The following EYS variants were observed in gnomAD, a reference collection of about 807,000 sequenced individuals.
EYS encodes protein eyes shut homolog.
In EYS, 250 loss-of-function variants were observed where a neutral mutation model predicts 282.1. The ratio of observed to expected loss-of-function variants is 0.89; its 90% confidence interval spans 0.80 to 0.98. The LOEUF is 0.98. Among genes scored for constraint, EYS ranks in the 50% least tolerant of loss-of-function variants. The pLI, the probability that EYS is intolerant of heterozygous loss-of-function variation, is 0.00. For missense variants in EYS, 4,016 were observed against 3,709.0 expected, an observed-to-expected ratio of 1.08 and a Z score of -2.15; for synonymous variants, 1,355 against 1,282.9, an observed-to-expected ratio of 1.06 and a Z score of -1.20.
intron 26 of EYS, among the ~76,000 whole-genome samples, chr6:64,479,548 G>A (rs1582804065): frequency 6.6e-6 from 1 of 152,018 alleles, no homozygotes; most frequent in African/African-American, 2.4e-5. Flanking sequence ...AACTATAAAT[G>A]CTTGGCTGTT....
intron 29 of EYS, among the ~76,000 whole-genome samples, chr6:64,371,317 A>G (rs1265497412): frequency 3.1e-5 from 3 of 95,598 alleles, no homozygotes; most frequent in African/African-American, 1.2e-4. Context: ...ATGTAATTTT[A>G]TGGTTGGTTT....
chr6:64,153,098 T>C (rs1198563479), intron 31 of EYS, among the ~76,000 whole-genome samples: 1 of 152,146 alleles, frequency 6.6e-6, no homozygotes, highest in Non-Finnish European at 1.5e-5. Flanking sequence ...ATCTAACAAC[T>C]TTACATCCAT....
intron 31 of EYS, among the ~76,000 whole-genome samples, chr6:64,085,750 T>A (rs1250152568): frequency 6.6e-6 from 1 of 152,192 alleles, no homozygotes; most frequent in Non-Finnish European, 1.5e-5. Flanking sequence ...ACTTAACTAT[T>A]ATTAAACTGC....
intron 31 of EYS, among the ~76,000 whole-genome samples, chr6:64,215,293 GCTTCCT>G (rs1765896989): frequency 6.6e-6 from 1 of 151,898 alleles, no homozygotes; most frequent in Non-Finnish European, 1.5e-5. Context: ...CCATGAGGAA[GCTTCCT>G]GGGGAATTTT....
chr6:64,258,633 A>G (rs1167058378), intron 30 of EYS, among the ~76,000 whole-genome samples: 1 of 152,126 alleles, frequency 6.6e-6, no homozygotes, highest in African/African-American at 2.4e-5. Context: ...CAAAATAAAA[A>G]TAATCTAATA....
intron 31 of EYS, among the ~76,000 whole-genome samples, chr6:64,091,530 T>G (rs540805295): frequency 6.6e-6 from 1 of 152,268 alleles, no homozygotes; most frequent in African/African-American, 2.4e-5. Context: ...AGAAAGGGCA[T>G]GCAGGACTGA....
At chr6:65,168,897 A>G (rs920577423) in intron 12 of EYS, among the ~76,000 whole-genome samples, 2 of 151,348 alleles carry the variant, frequency 1.3e-5, no homozygotes, top group Non-Finnish European at 3.0e-5. Flanking sequence ...GGCCAAAGAG[A>G]TCATGGCTGA....
chr6:64,985,894 T>C (rs536319949), intron 14 of EYS, among the ~76,000 whole-genome samples: 1 of 151,604 alleles, frequency 6.6e-6, no homozygotes, highest in East Asian at 1.9e-4. Context: ...TATATGCCTG[T>C]TCTGCCACAA....
intron 29 of EYS, among the ~76,000 whole-genome samples, chr6:64,375,818 A>G (rs1772543797): frequency 1.3e-5 from 2 of 152,236 alleles, no homozygotes; most frequent in Admixed American, 1.3e-4. Flanking sequence ...AGTTTAAAAA[A>G]TGATACATTC....
chr6:65,151,680 T>C (rs142900770), intron 12 of EYS, among the ~76,000 whole-genome samples: 387 of 152,138 alleles, frequency 2.5e-3, no homozygotes, highest in African/African-American at 8.5e-3. Flanking sequence ...TTGTTTTAAA[T>C]ATACAAACAC....
At chr6:65,529,885 T>C (rs1165041304) in intron 2 of EYS, among the ~76,000 whole-genome samples, 1 of 152,210 alleles carries the variant, frequency 6.6e-6, no homozygotes, top group Non-Finnish European at 1.5e-5. Context: ...CCCAATAATG[T>C]TGGCATTTTG....
At chr6:64,977,740 A>AAG (rs1562284118) in intron 14 of EYS, among the ~76,000 whole-genome samples, 1 of 151,894 alleles carries the variant, frequency 6.6e-6, no homozygotes, top group African/African-American at 2.4e-5. Flanking sequence ...AGGAAAGAGA[A>AAG]AGAGAAACAG....
intron 30 of EYS, among the ~76,000 whole-genome samples, chr6:64,273,566 C>CTA (rs753801038): frequency 2.0e-5 from 3 of 151,940 alleles, no homozygotes; most frequent in Admixed American, 6.6e-5. Context: ...TTGAGGACTA[C>CTA]TATCCTAAGT....
chr6:65,549,215 T>C (rs542154329), intron 2 of EYS, among the ~76,000 whole-genome samples: 11 of 152,340 alleles, frequency 7.2e-5, no homozygotes, highest in African/African-American at 2.6e-4. Flanking sequence ...CCTGGACTAA[T>C]AGATCTTACT....
At chr6:64,820,545 A>T (rs1314182798) in intron 21 of EYS, among the ~76,000 whole-genome samples, 1 of 152,154 alleles carries the variant, frequency 6.6e-6, no homozygotes, top group Non-Finnish European at 1.5e-5. Flanking sequence ...AACTTTCACT[A>T]TCCAGAACAA....
At position 65,260,100 on chromosome 6, in the gene EYS, G is replaced by T. The variant is rs182484276; in HGVS notation, c.2023+35763C>A. Reference sequence around the variant, plus strand: ...GAAACTTAAAATCTTGGTGGAAGGCGAAGGGGAAGCAAGCAAGCTTCTTCT... The same window carrying T: ...GAAACTTAAAATCTTGGTGGAAGGCTAAGGGGAAGCAAGCAAGCTTCTTCT... On this transcript the variant is annotated intron_variant, in intron 12 of 42. Coordinates refer to ENST00000503581, the MANE Select transcript of EYS (RefSeq NM_001142800.2). Among the ~76,000 whole-genome samples, 23 of 152,162 alleles carry T rather than the reference G, an allele frequency of 1.5e-4. 1 individual carries two copies. The highest frequency in any genetic ancestry group is 5.5e-4 in the African/African-American group (23 of 41,526).
chr6:64,290,413 A>T (rs1421946757), intron 30 of EYS, among the ~76,000 whole-genome samples: 1 of 152,090 alleles, frequency 6.6e-6, no homozygotes, highest in East Asian at 1.9e-4. Context: ...CCAGATCAGT[A>T]AGTGTGTTCA....
At chr6:63,941,742 C>T (rs867743225) in intron 35 of EYS, among the ~76,000 whole-genome samples, 1 of 152,236 alleles carries the variant, frequency 6.6e-6, no homozygotes, top group South Asian at 2.1e-4. Context: ...TGTTTATGAT[C>T]GGGACTCCCC....
At chr6:64,342,778 A>C (rs1354779868) in intron 29 of EYS, among the ~76,000 whole-genome samples, 2 of 152,152 alleles carry the variant, frequency 1.3e-5, no homozygotes, top group Non-Finnish European at 2.9e-5. Flanking sequence ...ATAAAGAGTC[A>C]AAACCCATCA....
Sources: allele counts gnomAD v4.1 joint callset (sites outside exome capture counted in the v4.1 genomes callset), GRCh38; gene constraint gnomAD v4.1.1; transcripts MANE v1.5; gene names NCBI Gene and HGNC (gene_info 2026-07-23, HGNC 2026-07-21).